The following SLC8A3 variants were observed in gnomAD, a reference collection of about 807,000 sequenced individuals.
SLC8A3 encodes the protein solute carrier family 8 member A3, also known as sodium/calcium exchanger 3.
SLC8A3 carries 37 observed loss-of-function variants against 65.4 expected under a neutral mutation model. That is an observed-to-expected ratio of 0.57 (90% CI 0.44 to 0.74). The LOEUF (loss-of-function observed/expected upper bound fraction) is 0.74. Ranked by LOEUF, SLC8A3 falls within the 30% of genes least tolerant of loss-of-function variation. SLC8A3 has a pLI of 0.00. For synonymous variants in SLC8A3, 461 were observed against 444.5 expected, an observed-to-expected ratio of 1.04 and a Z score of -0.47; for missense variants, 1,112 against 1,172.1, an observed-to-expected ratio of 0.95 and a Z score of 0.75.
intron 1 of SLC8A3, among the ~76,000 whole-genome samples, chr14:70,185,141 A>T (rs1883089356): frequency 6.6e-6 from 1 of 151,478 alleles, no homozygotes; most frequent in Non-Finnish European, 1.5e-5. Context: ...TAATTTTTGT[A>T]TTTTTAGTAG....
rs199883587 is a variant in SLC8A3 at position 70,046,076 on chromosome 14, C to T, written c.2637G>A (p.Pro879=). The change falls in exon 7 of 7, where the codon CCG becomes CCA. Residue 879 remains proline, a synonymous_variant. Coordinates refer to ENST00000356921, the MANE Select transcript of SLC8A3 (RefSeq NM_182932.3). This position sits in a 1 kb window ranked among gnomAD's most constrained non-coding sequence, Gnocchi z 4.2. ...CISVLLYRRR[P]HLGGELGGPR... ...GGCCACCAAGCTCCCCTCCCAGGTG[C>T]GGCCGCCTTCGGTACAAGAGCACGC... 23 of 1,614,138 alleles carry T rather than the reference C, an allele frequency of 1.4e-5. No homozygotes were observed. The East Asian group carries it at 3.3e-4, about 23-fold the overall frequency.
intron 1 of SLC8A3, among the ~76,000 whole-genome samples, chr14:70,180,872 A>G (rs1882692107): frequency 6.6e-6 from 1 of 152,136 alleles, no homozygotes; most frequent in Admixed American, 6.5e-5. Flanking sequence ...CACTCTAACC[A>G]GTTTAGGGCA....
intron 2 of SLC8A3, among the ~76,000 whole-genome samples, chr14:70,076,677 C>T (rs951067437): frequency 2.0e-5 from 3 of 152,188 alleles, no homozygotes; most frequent in Admixed American, 6.5e-5. Context: ...CTCCTGTTTC[C>T]CTTCCCAAAC....
At chr14:70,093,289 A>C (rs988941778) in intron 2 of SLC8A3, among the ~76,000 whole-genome samples, 2 of 152,238 alleles carry the variant, frequency 1.3e-5, no homozygotes, top group Non-Finnish European at 2.9e-5. Context: ...CATAGCATGC[A>C]TACTCATTAG....
intron 2 of SLC8A3, among the ~76,000 whole-genome samples, chr14:70,139,999 T>A (rs1895461019): frequency 6.6e-6 from 1 of 152,186 alleles, no homozygotes; most frequent in South Asian, 2.1e-4. Context: ...AATATTCAGC[T>A]GGTGCCAAAG....
intron 1 of SLC8A3, among the ~76,000 whole-genome samples, chr14:70,177,024 G>A (rs150609047): frequency 8.5e-5 from 13 of 152,274 alleles, no homozygotes; most frequent in African/African-American, 3.1e-4. Flanking sequence ...ATGTGTCACA[G>A]GCTGACTTTC....
chr14:70,128,972 C>A (rs1404822840), intron 2 of SLC8A3, among the ~76,000 whole-genome samples: 1 of 152,212 alleles, frequency 6.6e-6, no homozygotes, highest in Non-Finnish European at 1.5e-5. Context: ...GTGGTGATAG[C>A]AGCAGGTAGC....
In SLC8A3 at chr14:70,168,399, A is replaced by G. The variant is rs1204212818; in HGVS notation, c.24T>C (p.Pro8=). 1.2e-6 allele frequency: 2 copies of G among 1,613,898 alleles called. No individual in the cohort carries two copies. The highest frequency in any genetic ancestry group is 2.7e-5 in the African/African-American group (2 of 74,932). ...CAAAATGGAGGAAGGCAGAGGTGAG[A>G]GGCTGCAACCTTAACCACGCCATAC... MAWLRLQ[P]LTSAFLHFGL... The change falls in exon 2 of 7, where the codon CCT becomes CCC. Residue 8 remains proline (P), a synonymous_variant. Coordinates refer to ENST00000356921, the MANE Select transcript of SLC8A3 (RefSeq NM_182932.3).
intron 2 of SLC8A3, among the ~76,000 whole-genome samples, chr14:70,136,030 T>G (rs1220900527): frequency 6.6e-6 from 1 of 152,142 alleles, no homozygotes; most frequent in Non-Finnish European, 1.5e-5. Context: ...ATAACTATTA[T>G]GTTTATCAAT....
At chr14:70,130,321 C>T (rs981528111) in intron 2 of SLC8A3, among the ~76,000 whole-genome samples, 1 of 152,194 alleles carries the variant, frequency 6.6e-6, no homozygotes, top group Non-Finnish European at 1.5e-5. Flanking sequence ...AACCTGTTCC[C>T]GCCCCCTATA....
intron 2 of SLC8A3, among the ~76,000 whole-genome samples, chr14:70,114,474 C>T (rs1242810375): frequency 6.6e-6 from 1 of 152,180 alleles, no homozygotes; most frequent in Non-Finnish European, 1.5e-5. Context: ...ACCCAGCTCT[C>T]ACATACACCT....
intron 2 of SLC8A3, among the ~76,000 whole-genome samples, chr14:70,075,876 G>A (rs1044538758): frequency 2.6e-5 from 4 of 152,108 alleles, no homozygotes; most frequent in African/African-American, 4.8e-5. Flanking sequence ...TGGAGGGCTC[G>A]ATAAAACACA....
intron 1 of SLC8A3, among the ~76,000 whole-genome samples, chr14:70,180,048 C>T (rs1338344131): frequency 6.6e-6 from 1 of 152,148 alleles, no homozygotes; most frequent in Non-Finnish European, 1.5e-5. Flanking sequence ...GAGCAAGAAT[C>T]CCAGGGCAGC....
intron 3 of SLC8A3, among the ~76,000 whole-genome samples, chr14:70,052,815 TA>T (rs1887655598): frequency 1.3e-5 from 2 of 152,252 alleles, no homozygotes; most frequent in Admixed American, 1.3e-4. Flanking sequence ...TTATTTCTTT[TA>T]TTCAGCTCCT....
chr14:70,187,729 A>T (rs147348027), intron 1 of SLC8A3, among the ~76,000 whole-genome samples: 1 of 151,506 alleles, frequency 6.6e-6, no homozygotes, highest in Non-Finnish European at 1.5e-5. Flanking sequence ...GCAGACCACC[A>T]GGGGCTGGAG....
chr14:70,054,265 G>T (rs906557746), intron 3 of SLC8A3, among the ~76,000 whole-genome samples: 1 of 151,216 alleles, frequency 6.6e-6, no homozygotes, highest in African/African-American at 2.4e-5. Flanking sequence ...GGGGTGGGGG[G>T]GTGGTTAGCT....
intron 2 of SLC8A3, among the ~76,000 whole-genome samples, chr14:70,157,719 T>G (rs1896656083): frequency 6.6e-6 from 1 of 152,226 alleles, no homozygotes; most frequent in South Asian, 2.1e-4. Context: ...AATGGCTTTC[T>G]GATGCCAGTC....
chr14:70,091,400 T>C (rs973438627), intron 2 of SLC8A3, among the ~76,000 whole-genome samples: 2 of 152,222 alleles, frequency 1.3e-5, no homozygotes, highest in Non-Finnish European at 1.5e-5. Flanking sequence ...AGAGCTGCTC[T>C]CTTTGCCTCT....
intron 2 of SLC8A3, among the ~76,000 whole-genome samples, chr14:70,158,313 C>A (rs1896695538): frequency 6.6e-6 from 1 of 152,162 alleles, no homozygotes; most frequent in Non-Finnish European, 1.5e-5. Context: ...CCCCACAACT[C>A]AGAAAGACGT....
Sources: gnomAD v4.1 joint callset for allele counts (sites outside exome capture counted in the v4.1 genomes callset) on GRCh38, gnomAD v4.1.1 for gene constraint, Gnocchi (gnomAD v3.1) non-coding constraint, MANE v1.5 for transcripts, NCBI Gene and HGNC (gene_info 2026-07-23, HGNC 2026-07-21) for gene names.